The following AK8 variants were observed in gnomAD, a reference collection of about 807,000 sequenced individuals.
AK8 encodes the protein adenylate kinase 8.
Under a neutral mutation model 54.6 loss-of-function variants are expected in AK8, and 44 were observed. The ratio of observed to expected loss-of-function variants is 0.81; its 90% CI spans 0.63 to 1.04. AK8 has a LOEUF of 1.04. Ranked by LOEUF, AK8 falls within the 50% of genes least tolerant of loss-of-function variation. AK8 has a pLI of 0.00. For missense variants in AK8, 555 were observed against 613.6 expected, an observed-to-expected ratio of 0.90 and a Z score of 1.01; for synonymous variants, 239 against 245.6, an observed-to-expected ratio of 0.97 and a Z score of 0.25.
intron 8 of AK8, 106 bp from the exon 9 acceptor site, chr9:132,823,442 C>T (rs554829970): frequency 6.8e-7 from 1 of 1,467,478 alleles, no homozygotes; most frequent in African/African-American, 1.4e-5. Context: ...CTCTTTTTCT[C>T]TTTCACAGCA....
intron 11 of AK8, among the ~76,000 whole-genome samples, chr9:132,759,129 G>A (rs1340389741): frequency 6.7e-6 from 1 of 150,150 alleles, no homozygotes; most frequent in Non-Finnish European, 1.5e-5. Flanking sequence ...CTGGGAGGTC[G>A]AGGCTGCAAT....
intron 11 of AK8, among the ~76,000 whole-genome samples, chr9:132,773,666 A>C (rs1839076988): frequency 6.6e-6 from 1 of 152,180 alleles, no homozygotes; most frequent in East Asian, 1.9e-4. Flanking sequence ...AAATACCCTG[A>C]CCAGCATCAC....
rs533577897 is a variant in AK8, at chr9:132,753,156, C to T, written c.1122-25622G>A. ...ACGCCGCATTCCCAGGAGGAAGGAG[C>T]CAGGCCACTGTTGACCTCCTTTTGT... On this transcript the variant is annotated intron_variant, in intron 11 of 12. Coordinates refer to ENST00000298545, the MANE Select transcript of AK8 (RefSeq NM_152572.3). 1.3e-4 allele frequency among the ~76,000 whole-genome samples: 20 copies of T among 152,354 alleles called. No individual in the cohort carries two copies. The South Asian group carries it at 3.9e-3, about 30-fold the overall frequency.
At chr9:132,727,294 T>G (rs1438415691) in intron 12 of AK8, among the ~76,000 whole-genome samples, 160 bp downstream of exon 12, 1 of 152,184 alleles carries the variant, frequency 6.6e-6, no homozygotes, top group African/African-American at 2.4e-5. Flanking sequence ...TCAACAGATA[T>G]TGCACAGAAC....
chr9:132,809,209 T>C (rs1840876033), intron 10 of AK8, among the ~76,000 whole-genome samples: 1 of 152,172 alleles, frequency 6.6e-6, no homozygotes, highest in Non-Finnish European at 1.5e-5. Context: ...AAGGGGAATC[T>C]GGGATGTCTC....
chr9:132,759,334 T>A (rs72773438), intron 11 of AK8, among the ~76,000 whole-genome samples: 1 of 152,218 alleles, frequency 6.6e-6, no homozygotes, highest in African/African-American at 2.4e-5. Flanking sequence ...TAGGAGCTCT[T>A]TATAAATTCT....
At chr9:132,732,506 C>T (rs1440303930) in intron 11 of AK8, among the ~76,000 whole-genome samples, 3 of 152,270 alleles carry the variant, frequency 2.0e-5, no homozygotes, top group African/African-American at 7.2e-5. Flanking sequence ...GTGCTGGCTC[C>T]TCCAGGCCAC....
intron 11 of AK8, among the ~76,000 whole-genome samples, chr9:132,729,996 G>A (rs987565118): frequency 2.0e-5 from 3 of 152,192 alleles, no homozygotes; most frequent in East Asian, 3.8e-4. Flanking sequence ...CCTGAAAGCC[G>A]AATTCTGAGA....
chr9:132,867,597 C>T (rs537365391), intron 2 of AK8, among the ~76,000 whole-genome samples: 4 of 152,242 alleles, frequency 2.6e-5, no homozygotes, highest in Non-Finnish European at 5.9e-5. Context: ...AACCTGTGAC[C>T]GAGAGTCTGG....
At chr9:132,875,316 C>T in intron 1 of AK8, 117 bp from the exon 2 acceptor site, 1 of 1,498,436 alleles carries the variant, frequency 6.7e-7, no homozygotes, top group South Asian at 1.3e-5. Flanking sequence ...TGCCTTCAAC[C>T]TGGGACCCAG....
chr9:132,750,246 G>C (rs1837850354), intron 11 of AK8, among the ~76,000 whole-genome samples: 1 of 151,884 alleles, frequency 6.6e-6, no homozygotes, highest in South Asian at 2.1e-4. Flanking sequence ...AGCCTCCCGA[G>C]TAGCTGGGAT....
chr9:132,740,384 C>T (rs983327381), intron 11 of AK8, among the ~76,000 whole-genome samples: 4 of 152,178 alleles, frequency 2.6e-5, no homozygotes, highest in African/African-American at 9.7e-5. Flanking sequence ...TAAAAAGAGG[C>T]AGAGACTTGA....
Position 132,823,200 on chromosome 9 carries a change from C to G in AK8, c.889+5G>C, listed in dbSNP as rs764413213. On this transcript the variant is annotated splice_donor_5th_base_variant and intron_variant, in intron 9 of 12. Coordinates refer to ENST00000298545, the MANE Select transcript of AK8 (RefSeq NM_152572.3). ...GCTGGGCAGCCCAGCACCTGGGGCA[C>G]TCACCATTGACAAGCCTGTATTTCT... 6.4e-7 allele frequency: 1 copy of G among 1,560,990 alleles called. No individual in the cohort carries two copies. Among genetic ancestry groups the G allele is most frequent in the African/African-American group, 1.4e-5 (1 of 72,802 alleles).
intron 5 of AK8, among the ~76,000 whole-genome samples, chr9:132,830,284 T>C (rs1280910334): frequency 6.6e-6 from 1 of 152,242 alleles, no homozygotes; most frequent in African/African-American, 2.4e-5. Context: ...TCTCGATGCC[T>C]ATCAAACATC....
At chr9:132,851,000 A>C (rs1265435561) in intron 5 of AK8, among the ~76,000 whole-genome samples, 2 of 152,318 alleles carry the variant, frequency 1.3e-5, no homozygotes, top group African/African-American at 4.8e-5. Flanking sequence ...TACATTCATA[A>C]AACACACAGG....
chr9:132,806,101 C>CGT (rs5900993), intron 10 of AK8, among the ~76,000 whole-genome samples: 60,033 of 148,442 alleles, frequency 0.4, 12,433 homozygotes, highest in South Asian at 0.54. Flanking sequence ...TACTGCTTGG[C>CGT]GTGTGTGTGT....
intron 5 of AK8, among the ~76,000 whole-genome samples, chr9:132,836,228 G>A (rs911436747): frequency 2.6e-5 from 4 of 152,218 alleles, no homozygotes; most frequent in African/African-American, 9.7e-5. Flanking sequence ...GTTCGAGGCT[G>A]CAGGGAGCTA....
chr9:132,784,736 T>C (rs192305628), intron 11 of AK8, among the ~76,000 whole-genome samples: 19 of 152,128 alleles, frequency 1.2e-4, no homozygotes, highest in Admixed American at 5.2e-4. Context: ...TTCTCAAGTA[T>C]GCAAAAATTC....
intron 11 of AK8, among the ~76,000 whole-genome samples, chr9:132,745,639 C>T (rs1165565443): frequency 6.6e-6 from 1 of 152,122 alleles, no homozygotes; most frequent in African/African-American, 2.4e-5. Flanking sequence ...GACACTGGGG[C>T]CCTGATCCCT....
Sources: allele counts gnomAD v4.1 joint callset (sites outside exome capture counted in the v4.1 genomes callset), GRCh38; gene constraint gnomAD v4.1.1; transcripts MANE v1.5; gene names NCBI Gene and HGNC (gene_info 2026-07-23, HGNC 2026-07-21).